Variants in COMMD1 observed in about 807,000 individuals in gnomAD.
The protein encoded by COMMD1 is copper metabolism domain containing 1, also known as COMM domain-containing protein 1.
In COMMD1, 10 loss-of-function variants were observed where a neutral mutation model predicts 17.2. That is an observed-to-expected ratio of 0.58 (90% confidence interval 0.36 to 0.99). The LOEUF (loss-of-function observed/expected upper bound fraction) is 0.99, where lower values mean the gene tolerates loss of function less well. Ranked by LOEUF, COMMD1 falls within the 50% of genes least tolerant of loss-of-function variation. The pLI, the probability that COMMD1 is intolerant of heterozygous loss-of-function variation, is 0.01. For synonymous variants in COMMD1, 97 were observed against 91.6 expected (o/e 1.06, Z -0.34); for missense variants, 270 against 231.8 (o/e 1.17, Z -1.07).
chr2:61,905,616 G>C (rs1669749151), upstream of COMMD1: 1 of 1,454,020 alleles, frequency 6.9e-7, no homozygotes. Flanking sequence ...GGCTATTTAG[G>C]CACATCTCGG....
chr2:61,953,184 A>G (rs971902859), intron 1 of COMMD1, among the ~76,000 whole-genome samples: 4 of 149,016 alleles, frequency 2.7e-5, no homozygotes, highest in Admixed American at 1.3e-4. Context: ...TAAGTTTTGT[A>G]TTTTTAGTGG....
At chr2:61,942,859 A>G (rs1386041555) in intron 1 of COMMD1, among the ~76,000 whole-genome samples, 1 of 152,038 alleles carries the variant, frequency 6.6e-6, no homozygotes, top group Non-Finnish European at 1.5e-5. Context: ...AGTACTCTTT[A>G]CCTGTAAGTC....
intron 1 of COMMD1, among the ~76,000 whole-genome samples, chr2:61,931,768 G>A (rs532843867): frequency 6.6e-6 from 1 of 152,298 alleles, no homozygotes; most frequent in Non-Finnish European, 1.5e-5. Flanking sequence ...TGAGACATTA[G>A]AATCACAAAT....
chr2:61,941,024 T>G (rs1336735351), intron 1 of COMMD1, among the ~76,000 whole-genome samples: 2 of 148,820 alleles, frequency 1.3e-5, no homozygotes, highest in African/African-American at 5.1e-5. Context: ...CCTTTCCCTT[T>G]TTTTTGTTAA....
chr2:62,083,533 CTT>C (rs1255346819), intron 2 of COMMD1, among the ~76,000 whole-genome samples: 2 of 152,244 alleles, frequency 1.3e-5, no homozygotes, highest in African/African-American at 2.4e-5. Flanking sequence ...CTGTCTCTCT[CTT>C]TCTCTCTCTC....
intron 2 of COMMD1, among the ~76,000 whole-genome samples, chr2:62,003,548 A>C (rs1048627516): frequency 6.6e-6 from 1 of 151,746 alleles, no homozygotes; most frequent in East Asian, 1.9e-4. Context: ...CTCAAAAAAA[A>C]AAAACAAAAA....
chr2:61,981,990 A>G (rs1671966953), intron 1 of COMMD1, among the ~76,000 whole-genome samples: 1 of 152,136 alleles, frequency 6.6e-6, no homozygotes, highest in Non-Finnish European at 1.5e-5. Flanking sequence ...GGTTCATTAT[A>G]CATTTTAGGA....
intron 2 of COMMD1, among the ~76,000 whole-genome samples, chr2:62,127,582 A>C (rs1250712564): frequency 6.6e-6 from 1 of 152,190 alleles, no homozygotes; most frequent in Non-Finnish European, 1.5e-5. Context: ...GCACATCTAC[A>C]ACCATCTGAT....
intron 1 of COMMD1, among the ~76,000 whole-genome samples, chr2:61,984,672 A>G (rs778386486): frequency 6.6e-6 from 1 of 152,196 alleles, no homozygotes; most frequent in African/African-American, 2.4e-5. Flanking sequence ...TATTAGGTCC[A>G]TTTGGTCTAT....
At chr2:62,079,988 T>C (rs1671473312) in intron 2 of COMMD1, among the ~76,000 whole-genome samples, 1 of 152,204 alleles carries the variant, frequency 6.6e-6, no homozygotes, top group African/African-American at 2.4e-5. Context: ...TTTCCAAAAG[T>C]TAGCACCCAA....
chr2:61,953,273 G>A (rs548644115), intron 1 of COMMD1, among the ~76,000 whole-genome samples: 20 of 152,134 alleles, frequency 1.3e-4, no homozygotes, highest in Admixed American at 1.2e-3. Flanking sequence ...GCCTCCCAAC[G>A]TGCTGCTGGG....
chr2:62,117,916 T>A (rs1672649587), intron 2 of COMMD1, among the ~76,000 whole-genome samples: 1 of 152,162 alleles, frequency 6.6e-6, no homozygotes, highest in Non-Finnish European at 1.5e-5. Flanking sequence ...CCAACTTTTC[T>A]ATTCTCTCCA....
intron 2 of COMMD1, among the ~76,000 whole-genome samples, chr2:62,030,514 A>G (rs1036788834): frequency 1.3e-5 from 2 of 152,162 alleles, no homozygotes; most frequent in African/African-American, 2.4e-5. Context: ...GTGACAACCA[A>G]AAGTGTTCCA....
At chr2:61,901,261 T>A (rs998543980), upstream of COMMD1, among the ~76,000 whole-genome samples, 12 of 151,988 alleles carry the variant, frequency 7.9e-5, no homozygotes, top group Non-Finnish European at 1.5e-4. Context: ...CACATTTTTT[T>A]AAAAAAAGCA....
chr2:61,988,686 T>G (rs1672167762), intron 1 of COMMD1, among the ~76,000 whole-genome samples: 1 of 152,214 alleles, frequency 6.6e-6, no homozygotes, highest in African/African-American at 2.4e-5. Context: ...CTATGTCATG[T>G]GTCCCCTGAG....
At chr2:62,123,542 A>AC (rs1672809667) in intron 2 of COMMD1, among the ~76,000 whole-genome samples, 1 of 144,900 alleles carries the variant, frequency 6.9e-6, no homozygotes, top group African/African-American at 2.9e-5. Context: ...AACAGGAAGG[A>AC]AGGAAGGAAG....
chr2:61,911,039 C>T (rs1178203820), intron 1 of COMMD1, among the ~76,000 whole-genome samples: 8 of 151,338 alleles, frequency 5.3e-5, no homozygotes, highest in South Asian at 4.2e-4. Flanking sequence ...GCCGAGATCG[C>T]GCCATTGCAC....
At chr2:62,118,914 A>G (rs1672672256) in intron 2 of COMMD1, 1 of 152,212 alleles carries the variant, frequency 6.6e-6, no homozygotes, top group South Asian at 2.1e-4. Context: ...ATCACCATCA[A>G]CCACAAACAC....
intron 2 of COMMD1, among the ~76,000 whole-genome samples, chr2:62,122,804 C>T (rs1672784502): frequency 6.6e-6 from 1 of 152,194 alleles, no homozygotes; most frequent in African/African-American, 2.4e-5. Context: ...CCTCTGGGTC[C>T]TATTCTTGGC....
Sources: allele counts gnomAD v4.1 joint callset (sites outside exome capture counted in the v4.1 genomes callset), GRCh38; gene constraint gnomAD v4.1.1; transcripts MANE v1.5; gene names NCBI Gene and HGNC (gene_info 2026-07-23, HGNC 2026-07-21).